The following NUP210 variants were observed in gnomAD, a reference collection of about 807,000 sequenced individuals.
The protein encoded by NUP210 is nuclear pore membrane glycoprotein 210.
Under a neutral mutation model 196.0 loss-of-function variants are expected in NUP210, and 151 were observed. That is an observed-to-expected ratio of 0.77 (90% confidence interval 0.67 to 0.88). The LOEUF is 0.88. NUP210 is among the 40% of genes least tolerant of loss of function. NUP210 has a pLI of 0.00. For missense variants in NUP210, 2,314 were observed against 2,493.7 expected (o/e 0.93, Z 1.53); for synonymous variants, 1,070 against 1,052.7 (o/e 1.02, Z -0.32).
chr3:13,377,489 A>G lies in NUP210; in HGVS notation c.1119T>C (p.Phe373=). Residue 373 remains phenylalanine, a synonymous_variant, in exon 9 of 40, where the codon TTT becomes TTC. Transcript: ENST00000254508. ...GRLYEITIEV[F]DKFSNKVYVS... is the part of the protein sequence containing the mutation. ...CATAGACCTTGTTGCTGAACTTGTC[A>G]AAAACTTCGATGGTGATTTCATACA... is the stretch of plus-strand genomic sequence containing the variant. 1.2e-6 allele frequency: 2 copies of G among 1,613,626 alleles called. No individual in the cohort carries two copies. The highest frequency in any genetic ancestry group is 1.7e-6 in the Non-Finnish European group (2 of 1,179,646).
chr3:13,318,699 G>T (rs998437177), intron 39 of NUP210, among the ~76,000 whole-genome samples: 6 of 152,160 alleles, frequency 3.9e-5, no homozygotes, highest in Admixed American at 2.6e-4. Flanking sequence ...ATTCTTCTGG[G>T]AAATTTCTCA....
chr3:13,362,919 G>A (rs983776018), intron 14 of NUP210, among the ~76,000 whole-genome samples: 1 of 152,004 alleles, frequency 6.6e-6, no homozygotes, highest in Admixed American at 6.6e-5. Flanking sequence ...CCCTTCCCCC[G>A]TCACCTCCTT....
chr3:13,370,215 A>T (rs1400741225), intron 13 of NUP210, among the ~76,000 whole-genome samples: 1 of 152,114 alleles, frequency 6.6e-6, no homozygotes, highest in Admixed American at 6.5e-5. Context: ...ATTACCATGC[A>T]CACTCCACAC....
chr3:13,358,091 T>A, intron 16 of NUP210, 131 bp downstream of exon 16: 1 of 764,194 alleles, frequency 1.3e-6, no homozygotes, highest in Non-Finnish European at 2.1e-6. Flanking sequence ...CAGGGCCAGT[T>A]GTTGAGACGA....
chr3:13,319,006 C>G (rs1358901817), intron 39 of NUP210, 66 bp downstream of exon 39: 16 of 1,459,456 alleles, frequency 1.1e-5, no homozygotes, highest in Admixed American at 5.0e-5. Flanking sequence ...AGCCTCGACC[C>G]CTCCCCCAGG....
chr3:13,399,804 C>T lies in NUP210; in HGVS notation c.225G>A (p.Gln75=). The stretch of plus-strand genomic sequence containing the variant: ...CCTGCACCACTGCCTTCTGGGAGCA[C>T]TGCTGCTCGTCCAGGCCCAGCGGCT... ...SIEPLGLDEQ[Q]CSQKAVVQAR... Residue 75 remains glutamine, a synonymous_variant, in exon 2 of 40, where the codon CAG becomes CAA. Coordinates refer to ENST00000254508, the MANE Select transcript of NUP210 (RefSeq NM_024923.4). The T allele has an allele frequency of 3.7e-6, 6 of 1,613,694 alleles. No homozygotes were observed. The highest frequency in any genetic ancestry group is 1.3e-5 in the African/African-American group (1 of 75,050).
intron 1 of NUP210, among the ~76,000 whole-genome samples, chr3:13,417,164 C>A (rs1175696708): frequency 6.6e-6 from 1 of 152,110 alleles, no homozygotes; most frequent in African/African-American, 2.4e-5. Context: ...AGGGAGGGGT[C>A]CCAGCAGCTC....
chr3:13,356,939 TAAG>T (rs760923297), intron 16 of NUP210, among the ~76,000 whole-genome samples: 5 of 152,188 alleles, frequency 3.3e-5, no homozygotes, highest in Non-Finnish European at 5.9e-5. Context: ...CAGACAACGC[TAAG>T]GACAGGGAAG....
chr3:13,373,914 T>G, intron 11 of NUP210, 41 bp from the exon 12 acceptor site: 1 of 1,604,642 alleles, frequency 6.2e-7, no homozygotes, highest in Non-Finnish European at 8.5e-7. Flanking sequence ...CACCCACCCT[T>G]AGCCTGCTGG....
chr3:13,335,106 C>T (rs1410115603), intron 28 of NUP210, among the ~76,000 whole-genome samples: 4 of 152,230 alleles, frequency 2.6e-5, no homozygotes, highest in African/African-American at 9.7e-5. Flanking sequence ...TAAATAAACA[C>T]AAACGATTAA....
chr3:13,331,945 G>A (rs892937485), intron 29 of NUP210, among the ~76,000 whole-genome samples: 4 of 152,290 alleles, frequency 2.6e-5, no homozygotes, highest in Non-Finnish European at 5.9e-5. Context: ...TCTTCCCGGT[G>A]ATGCTGATGC....
intron 27 of NUP210, among the ~76,000 whole-genome samples, chr3:13,335,913 C>T (rs1252005353): frequency 6.6e-6 from 1 of 152,254 alleles, no homozygotes; most frequent in Non-Finnish European, 1.5e-5. Context: ...ACAGGATGTC[C>T]CTCAGACTTC....
intron 11 of NUP210, among the ~76,000 whole-genome samples, chr3:13,374,159 C>T (rs894388549): frequency 1.3e-5 from 2 of 152,114 alleles, no homozygotes; most frequent in Non-Finnish European, 2.9e-5. Flanking sequence ...TACTCTCATG[C>T]TCACATGCTC....
chr3:13,343,286 CG>C lies in NUP210; in HGVS notation c.2852del (p.Pro951ArgfsTer7). The C allele has an allele frequency of 3.1e-6, 4 of 1,286,450 alleles. No individual in the cohort carries two copies. The highest frequency in any genetic ancestry group is 4.1e-6 in the Non-Finnish European group (4 of 979,830). The allele number at this position is 1,286,450 out of a possible 1,614,324, so 79.7% of individuals were successfully genotyped here. ...CATGGATCATGATGGTGGATGAGCC[CG>C]GGAGCAAAGGGTGCACCTGCAAGGT... is the stretch of plus-strand genomic sequence containing the variant. Reference protein sequence around the residue: ...RGVAMVHPLLPGSSTIMIHDL... With the variant: ...RGVAMVHPLLXGSSTIMIHDL... On this transcript the variant is annotated frameshift_variant, in exon 21 of 40. Transcript: ENST00000254508. LOFTEE classifies it high-confidence loss of function.
chr3:13,406,963 C>T (rs975527239), intron 1 of NUP210, among the ~76,000 whole-genome samples: 3 of 151,906 alleles, frequency 2.0e-5, no homozygotes, highest in Admixed American at 6.6e-5. Flanking sequence ...GTGGCTCACT[C>T]GGTTCTCTCA....
intron 31 of NUP210, 145 bp from the exon 32 acceptor site, chr3:13,327,582 A>T: frequency 1.6e-6 from 1 of 644,320 alleles, no homozygotes; most frequent in Non-Finnish European, 2.7e-6. Flanking sequence ...GAGGTTACCA[A>T]GCAGTGGCCC....
intron 14 of NUP210, among the ~76,000 whole-genome samples, chr3:13,361,396 G>T (rs984774667): frequency 3.9e-5 from 6 of 152,194 alleles, no homozygotes; most frequent in African/African-American, 1.4e-4. Flanking sequence ...AACCAGTGGT[G>T]CCCAGGGCCC....
intron 9 of NUP210, 147 bp from the exon 10 acceptor site, chr3:13,376,578 C>T (rs1357065455): frequency 4.8e-5 from 37 of 773,026 alleles, no homozygotes; most frequent in South Asian, 4.0e-4. Context: ...TAGCAGCAGA[C>T]GGGTGGGCTG....
chr3:13,383,141 T>C (rs1377304943), intron 6 of NUP210, among the ~76,000 whole-genome samples: 1 of 152,064 alleles, frequency 6.6e-6, no homozygotes, highest in East Asian at 1.9e-4. Flanking sequence ...CAAGACTCTC[T>C]CTCAAAAAAA....
Sources: gnomAD v4.1 joint callset for allele counts (sites outside exome capture counted in the v4.1 genomes callset) on GRCh38, gnomAD v4.1.1 for gene constraint, MANE v1.5 for transcripts, NCBI Gene and HGNC (gene_info 2026-07-23, HGNC 2026-07-21) for gene names.